TMEM132D: variants seen among roughly 807,000 people sequenced by gnomAD.
TMEM132D encodes the protein transmembrane protein 132D.
In TMEM132D, 21 loss-of-function variants were observed where a neutral mutation model predicts 62.3. The ratio of observed to expected loss-of-function variants is 0.34; its 90% confidence interval spans 0.24 to 0.49. The LOEUF (loss-of-function observed/expected upper bound fraction) is 0.49. Among genes scored for constraint, TMEM132D ranks in the 20% least tolerant of loss-of-function variants. The pLI is 0.99. For missense variants in TMEM132D, 1,346 were observed against 1,402.8 expected, an observed-to-expected ratio of 0.96 and a Z score of 0.65; for synonymous variants, 621 against 575.6, an observed-to-expected ratio of 1.08 and a Z score of -1.13.
Position 129,370,445 on chromosome 12 carries a change from C to T in TMEM132D, c.1116-32628G>A, listed in dbSNP as rs147305507. On this transcript the variant is annotated intron_variant, in intron 3 of 8. Coordinates refer to ENST00000422113, the MANE Select transcript of TMEM132D (RefSeq NM_133448.3). ...GCCAGCTGTGAGGCTTGGTGGGAGG[C>T]GGGAGGCTGGGATTCAGAGCCCCTT... 4.4e-3 allele frequency among the ~76,000 whole-genome samples: 672 copies of T among 152,200 alleles called. 4 individuals carry two copies. Among genetic ancestry groups the T allele is most frequent in the African/African-American group, 0.015 (633 of 41,532 alleles).
chr12:129,841,935 T>G (rs1321258636), intron 1 of TMEM132D, among the ~76,000 whole-genome samples: 1 of 147,532 alleles, frequency 6.8e-6, no homozygotes, highest in Non-Finnish European at 1.5e-5. Flanking sequence ...GTTTTCGTGT[T>G]TTTTTTTTTT....
At chr12:129,814,623 A>AAAAG (rs1455390224) in intron 1 of TMEM132D, among the ~76,000 whole-genome samples, 1 of 151,226 alleles carries the variant, frequency 6.6e-6, no homozygotes, top group African/African-American at 2.4e-5. Context: ...AAAAAAAAAA[A>AAAAG]AAAAAAAACT....
At chr12:129,653,776 G>C (rs1879992632) in intron 2 of TMEM132D, among the ~76,000 whole-genome samples, 1 of 152,284 alleles carries the variant, frequency 6.6e-6, no homozygotes, top group East Asian at 1.9e-4. Context: ...ACGCCACACA[G>C]CTTCCTCTTC....
chr12:129,609,182 C>T (rs1369796053), intron 2 of TMEM132D, among the ~76,000 whole-genome samples: 6 of 152,078 alleles, frequency 3.9e-5, no homozygotes, highest in Non-Finnish European at 2.9e-5. Flanking sequence ...TGACCTCAGG[C>T]GATCTGCCAA....
chr12:129,200,486 C>T (rs1004768402), intron 5 of TMEM132D, among the ~76,000 whole-genome samples: 1 of 152,186 alleles, frequency 6.6e-6, no homozygotes, highest in African/African-American at 2.4e-5. Flanking sequence ...CAGCAGGGAT[C>T]AGTGAGGCGG....
intron 2 of TMEM132D, among the ~76,000 whole-genome samples, chr12:129,535,054 A>T (rs755494312): frequency 1.3e-5 from 2 of 152,208 alleles, no homozygotes; most frequent in African/African-American, 4.8e-5. Context: ...TCCTGTGAAC[A>T]TCCATTGCTG....
intron 3 of TMEM132D, among the ~76,000 whole-genome samples, chr12:129,404,245 C>T (rs1032403203): frequency 2.6e-5 from 4 of 152,138 alleles, no homozygotes. Context: ...GTTGCCCAGG[C>T]TGGAGTGCAG....
At chr12:129,615,600 AG>A (rs1878892447) in intron 2 of TMEM132D, among the ~76,000 whole-genome samples, 2 of 148,912 alleles carry the variant, frequency 1.3e-5, no homozygotes, top group South Asian at 4.2e-4. Flanking sequence ...AAAAAAAAAA[AG>A]AACAAAAAAA....
rs908668701 is a variant in TMEM132D, at chr12:129,270,243, G to T, written c.1300-60580C>A. On this transcript the variant is annotated intron_variant, in intron 4 of 8. Transcript: ENST00000422113. ...AAAAGGTAAGTGTTGTCAAGAGCAG[G>T]TTCCTCTAAGCAAAGCTACAAAGCT... Among the ~76,000 whole-genome samples the T allele has an allele frequency of 2.1e-4, 32 of 152,102 alleles. 1 individual carries two copies. Among genetic ancestry groups the T allele is most frequent in the Non-Finnish European group, 1.3e-4 (9 of 68,014 alleles).
At chr12:129,113,929 G>A (rs1326105713) in intron 5 of TMEM132D, among the ~76,000 whole-genome samples, 1 of 152,052 alleles carries the variant, frequency 6.6e-6, no homozygotes, top group East Asian at 1.9e-4. Flanking sequence ...AGCTGGGTAG[G>A]GGATGGAATG....
intron 3 of TMEM132D, among the ~76,000 whole-genome samples, chr12:129,461,571 A>G (rs961475638): frequency 6.6e-6 from 1 of 152,196 alleles, no homozygotes; most frequent in African/African-American, 2.4e-5. Flanking sequence ...GTTTTGACTT[A>G]TTCATCTTCT....
intron 3 of TMEM132D, among the ~76,000 whole-genome samples, chr12:129,432,470 T>G (rs1305624674): frequency 6.6e-6 from 1 of 152,256 alleles, no homozygotes; most frequent in Non-Finnish European, 1.5e-5. Flanking sequence ...TTAAATCATG[T>G]CTGAGACATA....
intron 1 of TMEM132D, among the ~76,000 whole-genome samples, chr12:129,761,576 C>G (rs1456430849): frequency 6.6e-6 from 1 of 152,178 alleles, no homozygotes; most frequent in African/African-American, 2.4e-5. Context: ...CAACGCTTCC[C>G]ACTCACTTCC....
rs192698325 is a variant in TMEM132D at position 129,174,438 on chromosome 12, A to G, written c.1443+35082T>C. On this transcript the variant is annotated intron_variant, in intron 5 of 8. Transcript: ENST00000422113. Reference sequence around the variant, plus strand: ...TATTTTTATGGTTGTGTATTATTCCATGGTGTATATGTACCAAATTTTCTT... The same window carrying G: ...TATTTTTATGGTTGTGTATTATTCCGTGGTGTATATGTACCAAATTTTCTT... Among the ~76,000 whole-genome samples, 446 of 152,292 alleles carry G rather than the reference A, an allele frequency of 2.9e-3. 2 individuals carry two copies. Among genetic ancestry groups the G allele is most frequent in the African/African-American group, 9.9e-3 (413 of 41,564 alleles).
At chr12:129,354,993 G>T (rs1001916633) in intron 3 of TMEM132D, among the ~76,000 whole-genome samples, 2 of 152,198 alleles carry the variant, frequency 1.3e-5, no homozygotes, top group African/African-American at 2.4e-5. Flanking sequence ...TGATATGAAT[G>T]CTTCAAATAA....
rs1211385448 is a variant in TMEM132D at position 129,779,827 on chromosome 12, CAGAG to C, written c.80-79133_80-79130del. Among the ~76,000 whole-genome samples, 2 of 152,070 alleles carry C rather than the reference CAGAG, an allele frequency of 1.3e-5. No individual in the cohort carries two copies. Among genetic ancestry groups the C allele is most frequent in the Non-Finnish European group, 2.9e-5 (2 of 68,012 alleles). On this transcript the variant is annotated intron_variant, in intron 1 of 8. Transcript: ENST00000422113. This position sits in a 1 kb window ranked among gnomAD's most constrained non-coding sequence, Gnocchi z 4.1. ...AGGTCTCTATGCCACTTGGGGAAGA[CAGAG>C]AGAAATGAACTGAGCTGCGAGGACA...
intron 2 of TMEM132D, among the ~76,000 whole-genome samples, chr12:129,551,499 C>T (rs531024823): frequency 6.6e-6 from 1 of 152,226 alleles, no homozygotes; most frequent in East Asian, 1.9e-4. Flanking sequence ...ATCATCTGAG[C>T]CAATAATTTA....
At chr12:129,883,948 T>G (rs1013479419) in intron 1 of TMEM132D, among the ~76,000 whole-genome samples, 1 of 152,176 alleles carries the variant, frequency 6.6e-6, no homozygotes, top group African/African-American at 2.4e-5. Context: ...TTTATAAAAT[T>G]AGAGACAGGA....
intron 4 of TMEM132D, among the ~76,000 whole-genome samples, chr12:129,257,832 A>G (rs1477470670): frequency 6.6e-6 from 1 of 152,136 alleles, no homozygotes; most frequent in Non-Finnish European, 1.5e-5. Flanking sequence ...CATGGAGATA[A>G]CTCTGAGAAA....
Sources: allele counts gnomAD v4.1 joint callset (sites outside exome capture counted in the v4.1 genomes callset), GRCh38; gene constraint gnomAD v4.1.1; non-coding constraint Gnocchi (gnomAD v3.1); transcripts MANE v1.5; gene names NCBI Gene and HGNC (gene_info 2026-07-23, HGNC 2026-07-21).